SQOR: variants seen among roughly 807,000 people sequenced by gnomAD.
SQOR encodes sulfide quinone oxidoreductase.
SQOR carries 39 observed loss-of-function variants against 48.6 expected under a neutral mutation model. The ratio of observed to expected loss-of-function variants is 0.80; its 90% confidence interval spans 0.62 to 1.05. The LOEUF is 1.05. Among genes scored for constraint, SQOR ranks in the 50% least tolerant of loss-of-function variants. The probability of loss-of-function intolerance (pLI) is 0.00; values close to 1 mark genes in which losing one functional copy is unlikely to be tolerated. For missense variants in SQOR, 561 were observed against 559.9 expected, an observed-to-expected ratio of 1.00 and a Z score of -0.02; for synonymous variants, 220 against 206.2, an observed-to-expected ratio of 1.07 and a Z score of -0.57.
At chr15:45,675,965 C>A (rs1345547748) in intron 5 of SQOR, 136 bp from the exon 6 acceptor site, 6 of 781,610 alleles carry the variant, frequency 7.7e-6, no homozygotes, top group Non-Finnish European at 1.3e-5. Flanking sequence ...TTGGTCTACC[C>A]ATTGCTCTGC....
At chr15:45,688,268 A>T in intron 7 of SQOR, 69 bp from the exon 8 acceptor site, 2 of 1,097,272 alleles carry the variant, frequency 1.8e-6, no homozygotes, top group Non-Finnish European at 2.7e-6. Context: ...CATTAAAGTT[A>T]TTTGCAAATT....
chr15:45,650,194 C>T (rs978205744), intron 1 of SQOR, among the ~76,000 whole-genome samples: 2 of 152,158 alleles, frequency 1.3e-5, no homozygotes, highest in African/African-American at 4.8e-5. Context: ...GGCTAGAGTG[C>T]AATGGCATGA....
intron 9 of SQOR, among the ~76,000 whole-genome samples, chr15:45,689,859 A>C (rs1890290526): frequency 1.3e-5 from 2 of 152,142 alleles, no homozygotes; most frequent in Admixed American, 1.3e-4. Context: ...GGCCATTAGC[A>C]GTGTCATGCT....
At chr15:45,643,618 C>T (rs644493) in intron 1 of SQOR, among the ~76,000 whole-genome samples, 40,077 of 152,066 alleles carry the variant, frequency 0.26, 6,646 homozygotes, top group East Asian at 0.64. Flanking sequence ...ATATCATTTG[C>T]GCAGGTAAAA....
At chr15:45,655,681 C>CTTTTTTTTTTTTTTTTTTTTTTTT (rs60764234) in intron 1 of SQOR, among the ~76,000 whole-genome samples, 2 of 143,738 alleles carry the variant, frequency 1.4e-5, no homozygotes. Flanking sequence ...GAAAGTATAT[C>CTTTTTTTTTTTTTTTTTTTTTTTT]TTTTTTTTTT....
chr15:45,686,703 G>T (rs933035940), intron 7 of SQOR, among the ~76,000 whole-genome samples: 3 of 152,234 alleles, frequency 2.0e-5, no homozygotes, highest in Admixed American at 6.5e-5. Flanking sequence ...TGATTTGGGA[G>T]ATTGCAAAAT....
At chr15:45,648,707 C>T (rs548716953) in intron 1 of SQOR, among the ~76,000 whole-genome samples, 11 of 152,316 alleles carry the variant, frequency 7.2e-5, no homozygotes, top group South Asian at 6.2e-4. Context: ...AGTGCTCATT[C>T]GTGCCCTGAG....
chr15:45,646,656 A>T (rs927630308), intron 1 of SQOR, among the ~76,000 whole-genome samples: 2 of 152,202 alleles, frequency 1.3e-5, no homozygotes, highest in Non-Finnish European at 2.9e-5. Context: ...AGTTTTTTTA[A>T]ATTTTTCATT....
chr15:45,669,394 G>A (rs1595504378), intron 3 of SQOR, among the ~76,000 whole-genome samples: 1 of 152,138 alleles, frequency 6.6e-6, no homozygotes, highest in South Asian at 2.1e-4. Context: ...CAACTCCTGA[G>A]CTCAAGTGAT....
At chr15:45,636,512 T>G (rs1305906706) in intron 1 of SQOR, among the ~76,000 whole-genome samples, 4 of 151,926 alleles carry the variant, frequency 2.6e-5, no homozygotes, top group Non-Finnish European at 5.9e-5. Flanking sequence ...CAAGTGATTC[T>G]CCTGCCTCAG....
chr15:45,645,980 C>T (rs1895197778), intron 1 of SQOR: 1 of 152,176 alleles, frequency 6.6e-6, no homozygotes, highest in Non-Finnish European at 1.5e-5. Flanking sequence ...GATCGCAGAA[C>T]AAAGGGTCCT....
intron 2 of SQOR, among the ~76,000 whole-genome samples, chr15:45,661,289 T>TAGAAAAAAA (rs777334925): frequency 1.1e-4 from 9 of 84,376 alleles, no homozygotes; most frequent in African/African-American, 3.7e-4. Context: ...AGACTCTGTC[T>TAGAAAAAAA]TAAAAAAAAA....
intron 3 of SQOR, among the ~76,000 whole-genome samples, chr15:45,669,590 A>C (rs1013772013): frequency 6.6e-6 from 1 of 152,244 alleles, no homozygotes; most frequent in Admixed American, 6.5e-5. Context: ...GTGTAAACAC[A>C]TAGCTGTCTC....
intron 7 of SQOR, among the ~76,000 whole-genome samples, chr15:45,684,781 A>G (rs113932401): frequency 4.0e-4 from 61 of 152,310 alleles, no homozygotes; most frequent in Non-Finnish European, 6.9e-4. Flanking sequence ...CTTCAAACAA[A>G]TATTTAATTC....
intron 9 of SQOR, chr15:45,689,454 G>C (rs945741462): frequency 3.8e-6 from 1 of 261,050 alleles, no homozygotes; most frequent in Non-Finnish European, 7.0e-6. Flanking sequence ...GTCTTGCTCT[G>C]TTGCCCAGGT....
At chr15:45,659,309 T>A (rs1595576459) in intron 2 of SQOR, 152 bp downstream of exon 2, 2 of 542,150 alleles carry the variant, frequency 3.7e-6, no homozygotes, top group East Asian at 6.7e-5. Context: ...GAAAGCAGCC[T>A]ATCCAGAAGG....
At chr15:45,647,251 A>C (rs1566914704) in intron 1 of SQOR, among the ~76,000 whole-genome samples, 2 of 152,094 alleles carry the variant, frequency 1.3e-5, no homozygotes, top group African/African-American at 4.8e-5. Context: ...TCTGTTAGAA[A>C]AAAACAAAAC....
intron 2 of SQOR, among the ~76,000 whole-genome samples, chr15:45,660,286 T>C (rs1366763684): frequency 6.6e-6 from 1 of 152,104 alleles, no homozygotes; most frequent in Non-Finnish European, 1.5e-5. Flanking sequence ...CAGCAGGGAA[T>C]GATGTTAACC....
chr15:45,649,712 G>A (rs910162867), intron 1 of SQOR, among the ~76,000 whole-genome samples: 58 of 151,758 alleles, frequency 3.8e-4, no homozygotes, highest in Non-Finnish European at 1.6e-4. Flanking sequence ...CAAACTCCTG[G>A]CCTGAGGTGA....
Sources: gnomAD v4.1 joint callset for allele counts (sites outside exome capture counted in the v4.1 genomes callset) on GRCh38, gnomAD v4.1.1 for gene constraint, MANE v1.5 for transcripts, NCBI Gene and HGNC (gene_info 2026-07-23, HGNC 2026-07-21) for gene names.